STAT5B: variants seen among roughly 807,000 people sequenced by gnomAD.
The protein encoded by STAT5B is transcription factor STAT5B.
A neutral mutation model predicts 107.8 loss-of-function variants in STAT5B; 21 were observed. The ratio of observed to expected loss-of-function variants is 0.19; its 90% CI spans 0.14 to 0.28. STAT5B has a LOEUF of 0.28. STAT5B is among the 10% of genes least tolerant of loss of function. The pLI is 1.00. For synonymous variants in STAT5B, 325 were observed against 401.7 expected, an observed-to-expected ratio of 0.81 and a Z score of 2.28; for missense variants, 565 against 1,008.2, an observed-to-expected ratio of 0.56 and a Z score of 5.95.
intron 6 of STAT5B, 117 bp from the exon 7 acceptor site, chr17:42,219,580 G>C: frequency 2.5e-6 from 3 of 1,206,756 alleles, no homozygotes; most frequent in African/African-American, 1.6e-5. Context: ...GCTCTGCCTC[G>C]CAAGGCCCCC....
Position 42,210,509 on chromosome 17 carries a change from T to C in STAT5B, c.1681-12A>G, listed in dbSNP as rs1204980441. On this transcript the variant is annotated splice_polypyrimidine_tract_variant and intron_variant, in intron 13 of 18. Coordinates refer to ENST00000293328, the MANE Select transcript of STAT5B (RefSeq NM_012448.4). ...CCTGGTAAATTCTCCTGGTTGGAGA[T>C]ACAACAGTGAACATAAGAACACCAG... 9.3e-6 allele frequency: 15 copies of C among 1,607,190 alleles called. No homozygotes were observed. The highest frequency in any genetic ancestry group is 1.3e-5 in the African/African-American group (1 of 74,784).
intron 1 of STAT5B, among the ~76,000 whole-genome samples, chr17:42,260,275 C>T (rs151058221): frequency 6.6e-6 from 1 of 152,238 alleles, no homozygotes; most frequent in East Asian, 1.9e-4. Context: ...AATCTGAACA[C>T]AGTTCATGCA....
intron 16 of STAT5B, among the ~76,000 whole-genome samples, chr17:42,203,916 G>A (rs957988400): frequency 1.3e-5 from 2 of 151,860 alleles, no homozygotes; most frequent in African/African-American, 2.4e-5. Flanking sequence ...TGTGAGCCAC[G>A]GTGCCTGGCC....
At chr17:42,210,130 A>T in intron 15 of STAT5B, 41 bp downstream of exon 15, 1 of 1,614,102 alleles carries the variant, frequency 6.2e-7, no homozygotes, top group Non-Finnish European at 8.5e-7. Context: ...TTTTGTAACG[A>T]AAGCAGCTAA....
chr17:42,211,976 C>T lies in STAT5B; in HGVS notation c.1680+8G>A. The T allele has an allele frequency of 6.2e-7, 1 of 1,607,068 alleles. No individual in the cohort carries two copies. The highest frequency in any genetic ancestry group is 1.1e-5 in the South Asian group (1 of 90,176). ...GATCTAACAGCGGCTGGCAGCTGGGCTCCTCACCCTGTTGAACTGGGACCA... is the reference window on the plus strand; with the variant it reads ...GATCTAACAGCGGCTGGCAGCTGGGTTCCTCACCCTGTTGAACTGGGACCA... On this transcript the variant is annotated splice_region_variant and intron_variant, in intron 13 of 18. Coordinates refer to ENST00000293328, the MANE Select transcript of STAT5B (RefSeq NM_012448.4).
chr17:42,218,714 A>G lies in STAT5B; in HGVS notation c.989+9T>C, dbSNP rs747877887. 63 of 1,612,146 alleles carry G rather than the reference A, an allele frequency of 3.9e-5. No individual in the cohort carries two copies. Among genetic ancestry groups the G allele is most frequent in the Non-Finnish European group, 5.0e-5 (59 of 1,179,210 alleles). On this transcript the variant is annotated intron_variant, in intron 8 of 18. Transcript: ENST00000293328. ...AAGCTCCTGGGCATGGCAAACAGGC[A>G]GCAGTCACCTGGTCACCAGGGCTGA...
chr17:42,227,794 C>T, intron 2 of STAT5B, 109 bp from the exon 3 acceptor site: 1 of 1,176,988 alleles, frequency 8.5e-7, no homozygotes, highest in Non-Finnish European at 1.2e-6. Flanking sequence ...GTTTTTAATC[C>T]TCACTGCAAA....
chr17:42,285,723 C>T, the STAT5B span, among the ~76,000 whole-genome samples: 1 of 152,178 alleles, frequency 6.6e-6, no homozygotes, highest in East Asian at 1.9e-4. Flanking sequence ...ACTACAGTCA[C>T]CTCTTCCCAA....
intron 9 of STAT5B, chr17:42,217,769 A>G (rs548227441): frequency 2.2e-6 from 1 of 456,412 alleles, no homozygotes; most frequent in East Asian, 4.7e-5. Flanking sequence ...GCTCACTGCA[A>G]TCTCAGCTCA....
rs1378646061 is a variant in STAT5B at position 42,276,186 on chromosome 17, G to A, written c.-11+62C>T. ...AGCGGCTGGAGCGCGGGCCCCGCCC[G>A]GGCTGGCTCCCCGGCCTGGCTCCCC... is the stretch of plus-strand genomic sequence containing the variant. On this transcript the variant is annotated intron_variant, in intron 1 of 18. Coordinates refer to ENST00000293328, the MANE Select transcript of STAT5B (RefSeq NM_012448.4). The surrounding 1 kb of genome is among the most constrained non-coding windows in gnomAD (Gnocchi z 4.8). 1.4e-5 allele frequency: 2 copies of A among 147,802 alleles called. No homozygotes were observed. Among genetic ancestry groups the A allele is most frequent in the Non-Finnish European group, 3.0e-5 (2 of 66,452 alleles). The allele number at this position is 147,802 out of a possible 1,614,324, so 9.2% of individuals were successfully genotyped here.
intron 4 of STAT5B, 40 bp downstream of exon 4, chr17:42,224,739 G>T (rs1471219127): frequency 1.9e-6 from 3 of 1,605,800 alleles, no homozygotes; most frequent in East Asian, 4.5e-5. Context: ...GGTAAGAAAA[G>T]ACTTCCCGAC....
intron 1 of STAT5B, among the ~76,000 whole-genome samples, chr17:42,241,454 T>G (rs1348895575): frequency 1.3e-5 from 2 of 151,954 alleles, no homozygotes; most frequent in Non-Finnish European, 2.9e-5. Context: ...AATTTTTTTT[T>G]TTTTTTGAGA....
upstream of STAT5B, among the ~76,000 whole-genome samples, chr17:42,278,850 G>C (rs374489412): frequency 6.6e-6 from 1 of 151,594 alleles, no homozygotes. Flanking sequence ...GTGGTGGTGC[G>C]CGCCTGTAGT....
rs762274331 is a variant in STAT5B, at chr17:42,227,657, C to G, written c.157G>C (p.Glu53Gln). 6.2e-7 allele frequency: 1 copy of G among 1,614,096 alleles called. No homozygotes were observed. Among genetic ancestry groups the G allele is most frequent in the Non-Finnish European group, 8.5e-7 (1 of 1,180,020 alleles). ...WDSVDLDNPQ[E>Q]NIKATQLLEG... ...AGGAGCTGGGTGGCCTTAATGTTCT[C>G]CTGTGGATTATCAAGATCTACTGAG... Residue 53 changes from glutamate (E) to glutamine (Q), a missense_variant, in exon 3 of 19, where the codon GAG becomes CAG. Glu to Gln is a conservative substitution (Grantham distance 29, BLOSUM62 2). Around this residue, in one of 11 missense-constraint regions of STAT5B, gnomAD observed 83 missense variants for 145.1 expected, o/e 0.57. Coordinates refer to ENST00000293328, the MANE Select transcript of STAT5B (RefSeq NM_012448.4).
chr17:42,274,041 T>C (rs1483735888), intron 1 of STAT5B, among the ~76,000 whole-genome samples: 1 of 152,052 alleles, frequency 6.6e-6, no homozygotes, highest in South Asian at 2.1e-4. Context: ...AGCACATTTT[T>C]CTCCTACAAT....
At chr17:42,251,028 TA>T (rs2080495207) in intron 1 of STAT5B, among the ~76,000 whole-genome samples, 1 of 150,434 alleles carries the variant, frequency 6.6e-6, no homozygotes, top group Non-Finnish European at 1.5e-5. Context: ...TGAATTATCA[TA>T]AAATGCAATT....
At chr17:42,249,958 A>G (rs1257087623) in intron 1 of STAT5B, among the ~76,000 whole-genome samples, 1 of 152,096 alleles carries the variant, frequency 6.6e-6, no homozygotes, top group Non-Finnish European at 1.5e-5. Flanking sequence ...CACTGCACCA[A>G]ACCCAGACTT....
chr17:42,261,838 G>C (rs1567676465), intron 1 of STAT5B, among the ~76,000 whole-genome samples: 1 of 152,122 alleles, frequency 6.6e-6, no homozygotes, highest in Non-Finnish European at 1.5e-5. Context: ...GGGATTAAAG[G>C]CATGGGCCAC....
rs1241032995 is a variant in STAT5B at position 42,252,223 on chromosome 17, T to C, written c.-10-20086A>G. ...AGGATGCCTGGCAGTTCCACAAGCC[T>C]AGGAAAAGTGCCTCAAACAATCTTT... On this transcript the variant is annotated intron_variant, in intron 1 of 18. Transcript: ENST00000293328. Among the ~76,000 whole-genome samples, 4 of 152,144 alleles carry C rather than the reference T, an allele frequency of 2.6e-5. No homozygotes were observed. The East Asian group carries it at 7.7e-4, about 29-fold the overall frequency.
Sources: allele counts gnomAD v4.1 joint callset (sites outside exome capture counted in the v4.1 genomes callset), GRCh38; gene constraint gnomAD v4.1.1; regional missense constraint gnomAD v4.1.1; non-coding constraint Gnocchi (gnomAD v3.1); transcripts MANE v1.5; gene names NCBI Gene and HGNC (gene_info 2026-07-23, HGNC 2026-07-21).